The following SLC7A2 variants were observed in gnomAD, a reference collection of about 807,000 sequenced individuals.
SLC7A2 encodes cationic amino acid transporter 2.
SLC7A2 carries 48 observed loss-of-function variants against 58.9 expected under a neutral mutation model. The observed-to-expected ratio is 0.82, with a 90% confidence interval of 0.65 to 1.04. The LOEUF (loss-of-function observed/expected upper bound fraction) is 1.04, where lower values mean the gene tolerates loss of function less well. Among genes scored for constraint, SLC7A2 ranks in the 50% least tolerant of loss-of-function variants. The pLI, the probability that SLC7A2 is intolerant of heterozygous loss-of-function variation, is 0.00. For synonymous variants in SLC7A2, 363 were observed against 314.5 expected (o/e 1.15, Z -1.63); for missense variants, 1,029 against 818.8 (o/e 1.26, Z -3.13).
chr8:17,548,348 G>GA (rs1229384467), intron 4 of SLC7A2, among the ~76,000 whole-genome samples: 1 of 151,976 alleles, frequency 6.6e-6, no homozygotes. Flanking sequence ...CTCAAAAAAA[G>GA]AAAAAATAGT....
At chr8:17,509,459 C>A (rs544485820) in intron 2 of SLC7A2, among the ~76,000 whole-genome samples, 1 of 152,128 alleles carries the variant, frequency 6.6e-6, no homozygotes, top group East Asian at 1.9e-4. Context: ...GTGCCCACCA[C>A]CACACCTGGC....
intron 4 of SLC7A2, among the ~76,000 whole-genome samples, chr8:17,545,489 C>T (rs1356081625): frequency 1.1e-4 from 16 of 149,328 alleles, no homozygotes; most frequent in Admixed American, 8.7e-4. Context: ...CCTCCGTCTC[C>T]CGGGTGCAAG....
intron 2 of SLC7A2, chr8:17,510,804 A>T (rs1317499443): frequency 3.9e-5 from 6 of 152,188 alleles, no homozygotes; most frequent in Admixed American, 3.9e-4. Context: ...ATCCAAACCC[A>T]TGTTTATTGC....
intron 8 of SLC7A2, among the ~76,000 whole-genome samples, chr8:17,557,726 G>T (rs1006550004): frequency 6.6e-6 from 1 of 152,126 alleles, no homozygotes; most frequent in East Asian, 1.9e-4. Flanking sequence ...TACTCGGCAG[G>T]CTGAGATATG....
At chr8:17,555,291 A>AT (rs1031221722) in intron 8 of SLC7A2, among the ~76,000 whole-genome samples, 14 of 149,584 alleles carry the variant, frequency 9.4e-5, no homozygotes, top group East Asian at 2.0e-4. Context: ...ACCCTTTGGG[A>AT]TTTTTTTTTT....
At chr8:17,529,390 G>GTA (rs1013021182) in intron 2 of SLC7A2, among the ~76,000 whole-genome samples, 15 of 152,086 alleles carry the variant, frequency 9.9e-5, no homozygotes, top group Admixed American at 5.9e-4. Context: ...AGAAGTGATG[G>GTA]TATATATATA....
At chr8:17,527,434 G>A (rs182024745) in intron 2 of SLC7A2, among the ~76,000 whole-genome samples, 15 of 152,258 alleles carry the variant, frequency 9.9e-5, no homozygotes, top group South Asian at 8.3e-4. Context: ...TTCAAGAAAC[G>A]TGTAATCTAA....
At chr8:17,508,324 A>T (rs1419756229) in intron 2 of SLC7A2, among the ~76,000 whole-genome samples, 3 of 152,236 alleles carry the variant, frequency 2.0e-5, no homozygotes, top group African/African-American at 7.2e-5. Flanking sequence ...AGAAATGTGA[A>T]GGACAAACAA....
intron 2 of SLC7A2, among the ~76,000 whole-genome samples, chr8:17,502,513 C>A (rs1347960919): frequency 1.3e-5 from 2 of 152,108 alleles, no homozygotes; most frequent in Non-Finnish European, 2.9e-5. Flanking sequence ...ACTTCAATTC[C>A]TATAAGATAT....
Position 17,558,334 on chromosome 8 carries a change from A to T in SLC7A2, c.1235A>T (p.Asp412Val), listed in dbSNP as rs1206674558. Residue 412 changes from aspartate (D) to valine (V), a missense_variant, in exon 9 of 13, where the codon GAC becomes GTC. By Grantham distance (152) the Asp-to-Val change is radical (BLOSUM62 -3). Coordinates refer to ENST00000494857, the MANE Select transcript of SLC7A2 (RefSeq NM_001370338.1). ...AFLFDLKALV[D>V]MMSIGTLMAY... ...CTGTTTGACCTGAAGGCGCTTGTGG[A>T]CATGATGTCCATTGGCACACTCATG... is the stretch of plus-strand genomic sequence containing the variant. 1.2e-6 allele frequency: 2 copies of T among 1,613,588 alleles called. No individual in the cohort carries two copies. Among genetic ancestry groups the T allele is most frequent in the Middle Eastern group, 1.6e-4 (1 of 6,062 alleles).
At chr8:17,536,456 T>TG (rs1801670418) in intron 2 of SLC7A2, among the ~76,000 whole-genome samples, 1 of 152,004 alleles carries the variant, frequency 6.6e-6, no homozygotes, top group East Asian at 1.9e-4. Flanking sequence ...TGTAACTACT[T>TG]GGGAGGCTGA....
chr8:17,558,101 G>C (rs62498020), intron 8 of SLC7A2, among the ~76,000 whole-genome samples, 194 bp from the exon 9 acceptor site: 4,660 of 152,182 alleles, frequency 0.031, 117 homozygotes, highest in Non-Finnish European at 0.041. Flanking sequence ...GAGGGTTTTT[G>C]AAGTCCTATC....
At chr8:17,534,254 A>G (rs1433331533) in intron 2 of SLC7A2, among the ~76,000 whole-genome samples, 3 of 152,164 alleles carry the variant, frequency 2.0e-5, no homozygotes, top group Non-Finnish European at 4.4e-5. Context: ...GTTAGCTCTA[A>G]TTTATGTGGA....
chr8:17,506,677 A>T (rs1402554627), intron 2 of SLC7A2, among the ~76,000 whole-genome samples: 7 of 152,220 alleles, frequency 4.6e-5, no homozygotes, highest in Non-Finnish European at 8.8e-5. Flanking sequence ...TGAAGACTGG[A>T]GTCCAAGCAT....
In SLC7A2 at chr8:17,562,405, A is replaced by G. The variant is rs138904150; in HGVS notation, c.1671+295A>G. Among the ~76,000 whole-genome samples the G allele has an allele frequency of 5.1e-3, 774 of 151,996 alleles. 25 individuals are homozygous for G. The highest frequency in any genetic ancestry group is 0.047 in the Admixed American group (724 of 15,258). ...TTTTTAGAAGACATGGGATTTCACC[A>G]TGTTAGCCAGGATGGTCTCGAACTC... On this transcript the variant is annotated intron_variant, in intron 11 of 12. Transcript: ENST00000494857.
intron 5 of SLC7A2, among the ~76,000 whole-genome samples, chr8:17,549,155 C>T (rs1017778312): frequency 2.0e-5 from 3 of 152,268 alleles, no homozygotes; most frequent in African/African-American, 2.4e-5. Flanking sequence ...GAAAGACCTG[C>T]CCCCATGATT....
intron 2 of SLC7A2, among the ~76,000 whole-genome samples, chr8:17,506,110 G>A (rs917527486): frequency 6.6e-6 from 1 of 152,210 alleles, no homozygotes; most frequent in Non-Finnish European, 1.5e-5. Context: ...TTGTGGCATA[G>A]TGGTTGTGTA....
intron 1 of SLC7A2, among the ~76,000 whole-genome samples, chr8:17,501,688 G>A (rs905933622): frequency 2.0e-5 from 3 of 151,832 alleles, no homozygotes; most frequent in Non-Finnish European, 2.9e-5. Context: ...ATTTTTCACC[G>A]TATCCCCATC....
chr8:17,498,278 G>A (rs2720548), intron 1 of SLC7A2, among the ~76,000 whole-genome samples: 1 of 152,024 alleles, frequency 6.6e-6, no homozygotes, highest in Non-Finnish European at 1.5e-5. Flanking sequence ...TCCCATCCAG[G>A]GCCGCCTGGG....
Sources: gnomAD v4.1 joint callset for allele counts (sites outside exome capture counted in the v4.1 genomes callset) on GRCh38, gnomAD v4.1.1 for gene constraint, MANE v1.5 for transcripts, NCBI Gene and HGNC (gene_info 2026-07-23, HGNC 2026-07-21) for gene names.